Variants in COL5A1 observed in about 807,000 individuals in gnomAD.
COL5A1 encodes the protein collagen alpha-1(V) chain.
A neutral mutation model predicts 263.7 loss-of-function variants in COL5A1; 16 were observed. The ratio of observed to expected loss-of-function variants is 0.06; its 90% CI spans 0.04 to 0.09. The LOEUF is 0.09. Ranked by LOEUF, COL5A1 falls within the 10% of genes least tolerant of loss-of-function variation. The probability of loss-of-function intolerance (pLI) is 1.00; values close to 1 mark genes in which losing one functional copy is unlikely to be tolerated. For missense variants in COL5A1, 2,036 were observed against 2,540.5 expected, an observed-to-expected ratio of 0.80 and a Z score of 4.27; for synonymous variants, 1,012 against 1,004.5, an observed-to-expected ratio of 1.01 and a Z score of -0.14.
chr9:134,676,705 C>CCATGGAGCCACGAATGCACAGTTCCTT (rs1554777802), intron 1 of COL5A1, among the ~76,000 whole-genome samples: 8 of 152,266 alleles, frequency 5.3e-5, no homozygotes, highest in African/African-American at 9.6e-5. Context: ...CCTTTATTTG[C>CCATGGAGCCACGAATGCACAGTTCCTT]TGGTGGGGGT....
In COL5A1 at chr9:134,647,478, T is replaced by G. The variant is rs1244904763; in HGVS notation, c.109+5182T>G. 2.0e-5 allele frequency among the ~76,000 whole-genome samples: 3 copies of G among 152,162 alleles called. No homozygotes were observed. The highest frequency in any genetic ancestry group is 4.4e-5 in the Non-Finnish European group (3 of 68,022). On this transcript the variant is annotated intron_variant, in intron 1 of 65. Coordinates refer to ENST00000371817, the MANE Select transcript of COL5A1 (RefSeq NM_000093.5). The surrounding 1 kb of genome is among the most constrained non-coding windows in gnomAD (Gnocchi z 5.0). ...ATGTGTTTGTGGGTATACATGTGTG[T>G]TTGAGTGTGCACGCATGCGCATCCT...
At chr9:134,669,991 C>G (rs1473819669) in intron 1 of COL5A1, among the ~76,000 whole-genome samples, 2 of 152,218 alleles carry the variant, frequency 1.3e-5, no homozygotes, top group African/African-American at 2.4e-5. Flanking sequence ...TGGGAAATAT[C>G]AAAATGACTT....
Position 134,824,865 on chromosome 9 carries a change from T to TG in COL5A1, c.4954+17dup, listed in dbSNP as rs757067716. 5.0e-5 allele frequency: 80 copies of TG among 1,607,838 alleles called. No homozygotes were observed. The highest frequency in any genetic ancestry group is 5.0e-5 in the Admixed American group (3 of 59,478). On this transcript the variant is annotated intron_variant, in intron 62 of 65. Transcript: ENST00000371817. Reference sequence around the variant, plus strand: ...CCCGACTTCCCAGATGGTGAGGGCCTGGGGGGGCAGGGGTGGCCCCCCAAA... The same window carrying TG: ...CCCGACTTCCCAGATGGTGAGGGCCTGGGGGGGGCAGGGGTGGCCCCCCAAA...
intron 11 of COL5A1, among the ~76,000 whole-genome samples, chr9:134,743,115 G>A (rs1313871577): frequency 2.6e-5 from 4 of 152,206 alleles, no homozygotes; most frequent in African/African-American, 4.8e-5. Context: ...TGATCAGAGC[G>A]TCTTTGAGGC....
intron 57 of COL5A1, among the ~76,000 whole-genome samples, chr9:134,819,397 G>A (rs969058263): frequency 1.3e-5 from 2 of 152,248 alleles, no homozygotes; most frequent in Admixed American, 1.3e-4. Context: ...CTTTCCGCAG[G>A]AGGTGTGAGG....
intron 61 of COL5A1, among the ~76,000 whole-genome samples, chr9:134,824,041 G>A (rs542481802): frequency 2.0e-5 from 3 of 152,274 alleles, no homozygotes; most frequent in African/African-American, 4.8e-5. Flanking sequence ...TGGGATGGGG[G>A]AGCACTAGAC....
At chr9:134,759,258 G>GCA (rs1836119124) in intron 18 of COL5A1, among the ~76,000 whole-genome samples, 1 of 109,838 alleles carries the variant, frequency 9.1e-6, no homozygotes, top group Non-Finnish European at 1.7e-5. Context: ...ACATGTGTGC[G>GCA]CGCACACACT....
intron 18 of COL5A1, among the ~76,000 whole-genome samples, chr9:134,760,463 C>T (rs1430641628): frequency 2.5e-3 from 270 of 107,410 alleles, no homozygotes; most frequent in East Asian, 6.7e-3. Flanking sequence ...ACCCACACAC[C>T]CCCACATTCA....
chr9:134,740,993 A>AAGGTTCT (rs961744768), intron 11 of COL5A1, among the ~76,000 whole-genome samples: 1 of 152,138 alleles, frequency 6.6e-6, no homozygotes, highest in Admixed American at 6.5e-5. Flanking sequence ...TTCCAGTGAG[A>AAGGTTCT]GGGGTGCTGG....
chr9:134,826,205 C>T (rs1468190169), intron 63 of COL5A1, among the ~76,000 whole-genome samples: 1 of 152,228 alleles, frequency 6.6e-6, no homozygotes, highest in Admixed American at 6.5e-5. Context: ...TCTCCGGTGA[C>T]TCAGTGGTCC....
chr9:134,700,394 G>A lies in COL5A1; in HGVS notation c.491+272G>A, dbSNP rs879463240. Among the ~76,000 whole-genome samples the A allele has an allele frequency of 6.6e-5, 10 of 152,132 alleles. No individual in the cohort carries two copies. The highest frequency in any genetic ancestry group is 5.8e-4 in the East Asian group (3 of 5,194). On this transcript the variant is annotated intron_variant, in intron 3 of 65. Coordinates refer to ENST00000371817, the MANE Select transcript of COL5A1 (RefSeq NM_000093.5). This position sits in a 1 kb window ranked among gnomAD's most constrained non-coding sequence, Gnocchi z 4.0. ...GTGCACTAAAGCACATCAAATTCCC[G>A]CCTGTTTGTGTCAGAAGGGACACAG...
chr9:134,654,442 T>G (rs1588406179), intron 1 of COL5A1, among the ~76,000 whole-genome samples: 1 of 89,890 alleles, frequency 1.1e-5, no homozygotes, highest in African/African-American at 4.5e-5. Flanking sequence ...GCTGGAGGTG[T>G]GTAGGGCTGG....
At chr9:134,735,628 C>T (rs1017107050) in intron 9 of COL5A1, among the ~76,000 whole-genome samples, 4 of 152,206 alleles carry the variant, frequency 2.6e-5, no homozygotes, top group African/African-American at 9.7e-5. Flanking sequence ...CCGCGTTGCC[C>T]CAGTTCCCTG....
rs111985353 is a variant in COL5A1, at chr9:134,750,378, C to T, written c.1495-164C>T. Among the ~76,000 whole-genome samples the T allele has an allele frequency of 1.3e-3, 204 of 152,316 alleles. 1 individual carries two copies. The highest frequency in any genetic ancestry group is 4.5e-3 in the African/African-American group (188 of 41,570). On this transcript the variant is annotated intron_variant, in intron 11 of 65. Transcript: ENST00000371817. The stretch of plus-strand genomic sequence containing the variant: ...CCCACAGCCGTGCCCCTCCCTTCTC[C>T]GGGTGGGGGTTTCTGAAACATTCCT...
At position 134,754,844 on chromosome 9, in the gene COL5A1, C is replaced by A. The variant is rs567744707; in HGVS notation, c.1827+518C>A. On this transcript the variant is annotated intron_variant, in intron 16 of 65. Transcript: ENST00000371817. The surrounding 1 kb of genome is among the most constrained non-coding windows in gnomAD (Gnocchi z 4.3). ...ACGTTTCCCGAGTGCTGACCACCAC[C>A]CAGACAGGCTGGGGCAGGCCCTGGG... 6.6e-6 allele frequency among the ~76,000 whole-genome samples: 1 copy of A among 152,296 alleles called. No homozygotes were observed.
At chr9:134,834,117 G>A (rs1839757989) in intron 64 of COL5A1, among the ~76,000 whole-genome samples, 1 of 152,110 alleles carries the variant, frequency 6.6e-6, no homozygotes, top group South Asian at 2.1e-4. Flanking sequence ...GAGAAGTGTG[G>A]TGCAGCTGGG....
chr9:134,744,007 C>A (rs1024890985), intron 11 of COL5A1, among the ~76,000 whole-genome samples: 8 of 152,168 alleles, frequency 5.3e-5, no homozygotes, highest in Non-Finnish European at 1.0e-4. Context: ...TGGTGCTACA[C>A]CCAGGGTGGG....
At chr9:134,802,363 G>A (rs892228639) in intron 38 of COL5A1, among the ~76,000 whole-genome samples, 1 of 152,206 alleles carries the variant, frequency 6.6e-6, no homozygotes, top group African/African-American at 2.4e-5. Flanking sequence ...ACGGGCCTGC[G>A]ATTCTAACCG....
Position 134,649,498 on chromosome 9 carries a change from C to T in COL5A1, c.109+7202C>T, listed in dbSNP as rs552441464. On this transcript the variant is annotated intron_variant, in intron 1 of 65. Coordinates refer to ENST00000371817, the MANE Select transcript of COL5A1 (RefSeq NM_000093.5). ...TCCTTTATTTTCTGTTTCCTAGACC[C>T]GTGTTCTTGTAGGGAAATTAGCTCT... is the stretch of plus-strand genomic sequence containing the variant. 74 of 471,282 alleles carry T rather than the reference C, an allele frequency of 1.6e-4. 2 individuals carry two copies. Among genetic ancestry groups the T allele is most frequent in the Middle Eastern group, 3.2e-4 (1 of 3,080 alleles). The allele number at this position is 471,282 out of a possible 1,614,324, so 29.2% of individuals were successfully genotyped here.
Sources: gnomAD v4.1 joint callset for allele counts (sites outside exome capture counted in the v4.1 genomes callset) on GRCh38, gnomAD v4.1.1 for gene constraint, Gnocchi (gnomAD v3.1) non-coding constraint, MANE v1.5 for transcripts, NCBI Gene and HGNC (gene_info 2026-07-23, HGNC 2026-07-21) for gene names.